The following DNAH11 variants were observed in gnomAD, a reference collection of about 807,000 sequenced individuals.
DNAH11 encodes the protein dynein axonemal heavy chain 11.
Under a neutral mutation model 526.0 loss-of-function variants are expected in DNAH11, and 442 were observed. The observed-to-expected ratio is 0.84, with a 90% CI of 0.78 to 0.91. The LOEUF (loss-of-function observed/expected upper bound fraction) is 0.91. DNAH11 is among the 40% of genes least tolerant of loss of function. The pLI is 0.00. For synonymous variants in DNAH11, 2,461 were observed against 1,935.9 expected (o/e 1.27, Z -7.12); for missense variants, 6,989 against 5,448.7 (o/e 1.28, Z -8.90).
intron 9 of DNAH11, among the ~76,000 whole-genome samples, chr7:21,587,586 C>T (rs1784518886): frequency 6.6e-6 from 1 of 152,040 alleles, no homozygotes; most frequent in African/African-American, 2.4e-5. Context: ...TGTGGATGTA[C>T]CAGCGGCCAT....
intron 18 of DNAH11, among the ~76,000 whole-genome samples, chr7:21,602,453 T>A (rs892887092): frequency 9.2e-5 from 14 of 152,232 alleles, no homozygotes; most frequent in African/African-American, 3.1e-4. Context: ...TGGAAAGATT[T>A]GGGGGCTTTT....
chr7:21,894,607 G>C lies in DNAH11; in HGVS notation c.12751-16G>C. 1 of 1,610,720 alleles carries C rather than the reference G, an allele frequency of 6.2e-7. No homozygotes were observed. The highest frequency in any genetic ancestry group is 8.5e-7 in the Non-Finnish European group (1 of 1,178,442). On this transcript the variant is annotated splice_polypyrimidine_tract_variant and intron_variant, in intron 77 of 81. Transcript: ENST00000409508. ...TGAAATAGAAAGGAGCTAAATCTTT[G>C]TGTTACTGATTTAAGGTTAAGAATG...
chr7:21,844,386 C>T (rs1363498831), intron 66 of DNAH11, among the ~76,000 whole-genome samples: 3 of 152,202 alleles, frequency 2.0e-5, no homozygotes, highest in East Asian at 3.9e-4. Context: ...GATAGTGCCA[C>T]TGCACTCCAG....
At chr7:21,900,470 C>G (rs1784741423) in intron 81 of DNAH11, among the ~76,000 whole-genome samples, 1 of 103,024 alleles carries the variant, frequency 9.7e-6, no homozygotes, top group Non-Finnish European at 2.5e-5. Context: ...AGTAAATTTG[C>G]TCTAATGTTT....
intron 54 of DNAH11, among the ~76,000 whole-genome samples, chr7:21,752,786 C>G (rs1786468628): frequency 6.6e-6 from 1 of 152,164 alleles, no homozygotes; most frequent in Non-Finnish European, 1.5e-5. Flanking sequence ...GATCTGAGCT[C>G]ACTGCAGCCT....
chr7:21,872,622 G>A (rs1020299611), intron 73 of DNAH11, among the ~76,000 whole-genome samples: 1 of 152,140 alleles, frequency 6.6e-6, no homozygotes, highest in African/African-American at 2.4e-5. Flanking sequence ...GCAAATTTGT[G>A]AATCATAAAA....
chr7:21,681,936 G>A (rs1783158342), intron 31 of DNAH11, among the ~76,000 whole-genome samples: 1 of 152,140 alleles, frequency 6.6e-6, no homozygotes, highest in South Asian at 2.1e-4. Flanking sequence ...TTATCACAGT[G>A]GAAGAACCGT....
chr7:21,868,990 A>T lies in DNAH11; in HGVS notation c.11966A>T (p.Gln3989Leu). Reference protein sequence around the residue: ...ASKGGHWVILQNVHLVAKWLG... With the variant: ...ASKGGHWVILLNVHLVAKWLG... The stretch of plus-strand genomic sequence containing the variant: ...AAAGGAGGACACTGGGTCATCCTCC[A>T]AGTGAGTATTAAGTTTCAGGGAAGA... Residue 3989 changes from glutamine (Q) to leucine (L), a missense_variant and splice_region_variant, in exon 73 of 82, where the codon CAA (glutamine) becomes CTA (leucine). Physicochemically the swap from Gln to Leu is moderately radical, Grantham distance 113 (BLOSUM62 -2). Transcript: ENST00000409508. 6.2e-7 allele frequency: 1 copy of T among 1,613,908 alleles called. No homozygotes were observed. Among genetic ancestry groups the T allele is most frequent in the Non-Finnish European group, 8.5e-7 (1 of 1,179,838 alleles).
Position 21,558,971 on chromosome 7 carries a change from A to G in DNAH11, c.665A>G (p.Asp222Gly). Residue 222 changes from aspartate (D) to glycine (G), a missense_variant, in exon 3 of 82, where the codon GAT becomes GGT. Transcript: ENST00000409508. ...LPIPTVAGKM[D>G]LDQNCSENKP... ...ATTCCCACTGTTGCAGGAAAGATGG[A>G]TCTGGATCAGAATTGTTCAGAGAAC... is the stretch of plus-strand genomic sequence containing the variant. 1 of 1,587,030 alleles carries G rather than the reference A, an allele frequency of 6.3e-7. No individual in the cohort carries two copies. The highest frequency in any genetic ancestry group is 8.6e-7 in the Non-Finnish European group (1 of 1,165,354).
chr7:21,819,524 G>A (rs1485866963), intron 65 of DNAH11, among the ~76,000 whole-genome samples: 1 of 152,154 alleles, frequency 6.6e-6, no homozygotes, highest in Non-Finnish European at 1.5e-5. Context: ...AAAATATAGT[G>A]TAAAATCTTG....
At chr7:21,694,083 G>A (rs1008269716) in intron 35 of DNAH11, among the ~76,000 whole-genome samples, 5 of 152,080 alleles carry the variant, frequency 3.3e-5, no homozygotes, top group African/African-American at 7.2e-5. Flanking sequence ...CTTCCACCAG[G>A]TCCCTCCCCC....
Position 21,880,894 on chromosome 7 carries a change from G to T in DNAH11, c.12387+1G>T. On this transcript the variant is annotated splice_donor_variant, in intron 75 of 81. Transcript: ENST00000409508. LOFTEE classifies it high-confidence loss of function. ...CAACTACTTAGAGGCAAACTCTAAA[G>T]TAAGTGCTAGTGGTCAAATAACCTC... The T allele has an allele frequency of 1.3e-6, 2 of 1,596,840 alleles. No homozygotes were observed. Among genetic ancestry groups the T allele is most frequent in the Non-Finnish European group, 1.7e-6 (2 of 1,175,378 alleles).
At chr7:21,868,798 G>T in intron 72 of DNAH11, 66 bp from the exon 73 acceptor site, 7 of 1,599,410 alleles carry the variant, frequency 4.4e-6, no homozygotes, top group Non-Finnish European at 6.0e-6. Flanking sequence ...TTAGACCACA[G>T]AATTCCAGGC....
chr7:21,855,185 C>T (rs1385666142), intron 68 of DNAH11, among the ~76,000 whole-genome samples: 1 of 152,070 alleles, frequency 6.6e-6, no homozygotes, highest in Non-Finnish European at 1.5e-5. Flanking sequence ...GTGTCCGCCA[C>T]CACACCTGGC....
At chr7:21,760,746 A>G (rs1297477949) in intron 54 of DNAH11, among the ~76,000 whole-genome samples, 1 of 152,174 alleles carries the variant, frequency 6.6e-6, no homozygotes, top group Admixed American at 6.5e-5. Context: ...AGCTTCTGGT[A>G]GCTGGATCTG....
chr7:21,815,128 G>A (rs984545633), intron 63 of DNAH11, among the ~76,000 whole-genome samples: 1 of 152,122 alleles, frequency 6.6e-6, no homozygotes, highest in Non-Finnish European at 1.5e-5. Flanking sequence ...TCTGCACAGA[G>A]TAGGTACTCA....
intron 2 of DNAH11, among the ~76,000 whole-genome samples, chr7:21,553,355 A>G (rs73066442): frequency 0.2 from 30,251 of 152,032 alleles, 3,124 homozygotes; most frequent in Non-Finnish European, 0.23. Context: ...CAATCTAATT[A>G]ACATTTTCTT....
At position 21,884,353 on chromosome 7, in the gene DNAH11, T is replaced by C. The variant is rs992735715; in HGVS notation, c.12450T>C (p.Asp4150=). The C allele has an allele frequency of 5.0e-6, 8 of 1,613,476 alleles. No homozygotes were observed. In the South Asian group the frequency reaches 7.7e-5, roughly 16 times the overall value. ...GEIMYGGHIT[D]DWDRKLCRVY... ...TCATGTATGGAGGCCACATCACAGA[T>C]GACTGGGATCGCAAACTGTGTCGGG... Residue 4150 remains aspartate (D), a synonymous_variant, in exon 76 of 82, where the codon GAT becomes GAC. Coordinates refer to ENST00000409508, the MANE Select transcript of DNAH11 (RefSeq NM_001277115.2).
In DNAH11 at chr7:21,899,382, C is replaced by G. The variant is rs748084362; in HGVS notation, c.13096C>G (p.Gln4366Glu). 4 of 1,614,048 alleles carry G rather than the reference C, an allele frequency of 2.5e-6. No individual in the cohort carries two copies. The highest frequency in any genetic ancestry group is 3.3e-5 in the Admixed American group (2 of 60,024). ...ATGCCGAGAACTCGATACTTGGACA[C>G]AAGACCTTACCCTTCCGGCTGTCGT... ...LRCRELDTWT[Q>E]DLTLPAVVWL... The change falls in exon 80 of 82, where the codon CAA (glutamine) becomes GAA (glutamate). Residue 4366 changes from glutamine (Q) to glutamate (E), a missense_variant. Transcript: ENST00000409508.
Sources: gnomAD v4.1 joint callset for allele counts (sites outside exome capture counted in the v4.1 genomes callset) on GRCh38, gnomAD v4.1.1 for gene constraint, MANE v1.5 for transcripts, NCBI Gene and HGNC (gene_info 2026-07-23, HGNC 2026-07-21) for gene names.